The following TSHZ2 variants were observed in gnomAD, a reference collection of about 807,000 sequenced individuals.
The protein encoded by TSHZ2 is teashirt zinc finger homeobox 2, also known as teashirt homolog 2.
Under a neutral mutation model 74.4 loss-of-function variants are expected in TSHZ2, and 21 were observed. The ratio of observed to expected loss-of-function variants is 0.28; its 90% CI spans 0.20 to 0.41. The LOEUF is 0.41. TSHZ2 is among the 10% of genes least tolerant of loss of function. TSHZ2 has a pLI of 1.00. For synonymous variants in TSHZ2, 540 were observed against 515.3 expected (o/e 1.05, Z -0.65); for missense variants, 1,244 against 1,293.5 (o/e 0.96, Z 0.59).
At chr20:53,482,880 G>T (rs6097451) in intron 2 of TSHZ2, among the ~76,000 whole-genome samples, 30,430 of 151,932 alleles carry the variant, frequency 0.2, 3,221 homozygotes, top group East Asian at 0.3. Context: ...TACTCAAGCC[G>T]GGGCAACAGA....
At chr20:53,307,725 C>T (rs1385579097) in intron 2 of TSHZ2, among the ~76,000 whole-genome samples, 1 of 152,158 alleles carries the variant, frequency 6.6e-6, no homozygotes, top group African/African-American at 2.4e-5. Flanking sequence ...ATTTAACCAC[C>T]CGCCAGATCA....
chr20:53,286,518 TG>T (rs1361692070), intron 2 of TSHZ2, among the ~76,000 whole-genome samples: 2 of 152,182 alleles, frequency 1.3e-5, no homozygotes, highest in African/African-American at 2.4e-5. Context: ...TCTTTTTTTT[TG>T]GTCTTAGGGC....
rs764228867 is a variant in TSHZ2 at position 53,104,939 on chromosome 20, G to A, written c.40+131606G>A. ...TTCCCGGGAGAGTTTTCTTCTAGGAGAAAGGAGCTGAGGCTCTTCTCCAGA... is the reference window on the plus strand; with the variant it reads ...TTCCCGGGAGAGTTTTCTTCTAGGAAAAAGGAGCTGAGGCTCTTCTCCAGA... On this transcript the variant is annotated intron_variant, in intron 1 of 2. Transcript: ENST00000371497. Among the ~76,000 whole-genome samples, 4 of 152,208 alleles carry A rather than the reference G, an allele frequency of 2.6e-5. No homozygotes were observed. The South Asian group carries it at 8.3e-4, about 32-fold the overall frequency.
At chr20:53,168,164 G>T (rs770710175) in intron 1 of TSHZ2, among the ~76,000 whole-genome samples, 3 of 152,146 alleles carry the variant, frequency 2.0e-5, no homozygotes, top group Non-Finnish European at 4.4e-5. Flanking sequence ...TTTGTTCAGG[G>T]TTTGTCCAAT....
chr20:53,481,299 C>T (rs746449717), intron 2 of TSHZ2, among the ~76,000 whole-genome samples: 2 of 152,116 alleles, frequency 1.3e-5, no homozygotes, highest in South Asian at 2.1e-4. Context: ...TGGCTAGGCA[C>T]GGTGCCTCAT....
chr20:53,459,627 T>C (rs933901399), intron 2 of TSHZ2, among the ~76,000 whole-genome samples: 86 of 142,638 alleles, frequency 6.0e-4, no homozygotes, highest in African/African-American at 2.2e-3. Flanking sequence ...TTTTGCTCGT[T>C]AGTTGATGCA....
intron 2 of TSHZ2, among the ~76,000 whole-genome samples, chr20:53,321,073 C>G (rs1232703814): frequency 6.6e-6 from 1 of 152,198 alleles, no homozygotes; most frequent in Non-Finnish European, 1.5e-5. Flanking sequence ...AACATGCATT[C>G]CACAATTTTT....
At chr20:53,114,214 C>T (rs1568766057) in intron 1 of TSHZ2, among the ~76,000 whole-genome samples, 3 of 151,884 alleles carry the variant, frequency 2.0e-5, no homozygotes, top group Admixed American at 6.6e-5. Flanking sequence ...TATAAATTTG[C>T]GTCTGGGATT....
chr20:53,277,460 G>GGA (rs1568848685), intron 2 of TSHZ2, among the ~76,000 whole-genome samples: 1 of 146,048 alleles, frequency 6.8e-6, no homozygotes. Context: ...TAAAAAACAG[G>GGA]AAAAAAAAAA....
At chr20:53,371,613 C>T (rs1288977394) in intron 2 of TSHZ2, among the ~76,000 whole-genome samples, 1 of 152,184 alleles carries the variant, frequency 6.6e-6, no homozygotes, top group Non-Finnish European at 1.5e-5. Context: ...GGGTGGCTCA[C>T]GCCTATAATC....
chr20:53,204,283 CATG>C (rs1292753875), intron 1 of TSHZ2, among the ~76,000 whole-genome samples: 87 of 56,686 alleles, frequency 1.5e-3, no homozygotes, highest in African/African-American at 4.1e-3. Context: ...CATCATATAA[CATG>C]ATGATATGAT....
chr20:53,137,378 A>T (rs896230788), intron 1 of TSHZ2, among the ~76,000 whole-genome samples: 2 of 150,628 alleles, frequency 1.3e-5, no homozygotes, highest in South Asian at 4.2e-4. Context: ...CTCCGTCACC[A>T]AGAATTCAGC....
chr20:53,448,890 A>G (rs973326947), intron 2 of TSHZ2, among the ~76,000 whole-genome samples: 2 of 152,244 alleles, frequency 1.3e-5, no homozygotes, highest in African/African-American at 4.8e-5. Flanking sequence ...TCATCCAGGC[A>G]AGATGACAGA....
chr20:53,276,600 T>A (rs1990951105), intron 2 of TSHZ2, among the ~76,000 whole-genome samples: 1 of 152,166 alleles, frequency 6.6e-6, no homozygotes, highest in Non-Finnish European at 1.5e-5. Context: ...TTGATAGAGT[T>A]AAAAGAAATA....
intron 2 of TSHZ2, among the ~76,000 whole-genome samples, chr20:53,346,769 C>T (rs534679706): frequency 2.8e-4 from 42 of 152,326 alleles, no homozygotes; most frequent in African/African-American, 9.4e-4. Context: ...GGATTTCCTA[C>T]TTTTAGATAT....
intron 1 of TSHZ2, among the ~76,000 whole-genome samples, chr20:53,010,939 CTCTG>C (rs1239511743): frequency 2.0e-5 from 3 of 152,044 alleles, no homozygotes; most frequent in Admixed American, 6.6e-5. Context: ...ATTACGTTGT[CTCTG>C]TAAGAGTTAC....
chr20:53,047,927 C>A (rs190849195), intron 1 of TSHZ2, among the ~76,000 whole-genome samples: 3 of 152,208 alleles, frequency 2.0e-5, no homozygotes, highest in African/African-American at 4.8e-5. Flanking sequence ...AGGTAGACAC[C>A]GTCGCACTTT....
chr20:53,402,583 A>G (rs528487907), intron 2 of TSHZ2, among the ~76,000 whole-genome samples: 1 of 152,338 alleles, frequency 6.6e-6, no homozygotes, highest in East Asian at 1.9e-4. Flanking sequence ...TTTCTATGAA[A>G]AAAAGCAGCA....
chr20:53,033,759 G>A (rs763450934), intron 1 of TSHZ2, among the ~76,000 whole-genome samples: 3 of 135,508 alleles, frequency 2.2e-5, no homozygotes, highest in East Asian at 2.4e-4. Flanking sequence ...TCCCTGGTTC[G>A]AGCAATTTGC....
Sources: gnomAD v4.1 joint callset for allele counts (sites outside exome capture counted in the v4.1 genomes callset) on GRCh38, gnomAD v4.1.1 for gene constraint, MANE v1.5 for transcripts, NCBI Gene and HGNC (gene_info 2026-07-23, HGNC 2026-07-21) for gene names.